The following FTO variants were observed in gnomAD, a reference collection of about 807,000 sequenced individuals.
FTO encodes the protein alpha-ketoglutarate-dependent dioxygenase FTO.
A neutral mutation model predicts 63.9 loss-of-function variants in FTO; 47 were observed. The ratio of observed to expected loss-of-function variants is 0.74; its 90% CI spans 0.58 to 0.94. FTO has a LOEUF of 0.94. Ranked by LOEUF, FTO falls within the 40% of genes least tolerant of loss-of-function variation. The pLI is 0.00. For missense variants in FTO, 562 were observed against 618.1 expected (o/e 0.91, Z 0.96); for synonymous variants, 207 against 224.4 (o/e 0.92, Z 0.69).
intron 8 of FTO, among the ~76,000 whole-genome samples, chr16:54,058,823 T>C (rs2085503584): frequency 6.6e-6 from 1 of 152,224 alleles, no homozygotes; most frequent in Admixed American, 6.5e-5. Context: ...AAAAAATAAA[T>C]AAATAAATAA....
At chr16:54,021,239 G>A (rs748784532) in intron 8 of FTO, among the ~76,000 whole-genome samples, 10 of 152,090 alleles carry the variant, frequency 6.6e-5, no homozygotes, top group Admixed American at 1.3e-4. Context: ...TTGGAGAAGA[G>A]CTTAAAACAA....
At chr16:53,799,741 C>G (rs1266904058) in intron 1 of FTO, among the ~76,000 whole-genome samples, 1 of 152,190 alleles carries the variant, frequency 6.6e-6, no homozygotes, top group Non-Finnish European at 1.5e-5. Context: ...GGCAGCGTTC[C>G]TGGTACATGC....
At chr16:54,076,295 T>TA (rs2085991400) in intron 8 of FTO, among the ~76,000 whole-genome samples, 1 of 152,232 alleles carries the variant, frequency 6.6e-6, no homozygotes, top group African/African-American at 2.4e-5. Flanking sequence ...GCCAGAGCTT[T>TA]ATGCCAGCAG....
intron 1 of FTO, among the ~76,000 whole-genome samples, chr16:53,725,092 A>G (rs977273352): frequency 2.6e-5 from 4 of 152,190 alleles, no homozygotes; most frequent in African/African-American, 7.2e-5. Flanking sequence ...TATGAGTACC[A>G]TTAGTACTTT....
At chr16:53,749,693 C>T (rs11859472) in intron 1 of FTO, among the ~76,000 whole-genome samples, 6,518 of 152,220 alleles carry the variant, frequency 0.043, 454 homozygotes, top group African/African-American at 0.15. Context: ...CCCGCCTCGG[C>T]CTCCCAAAGT....
intron 2 of FTO, among the ~76,000 whole-genome samples, chr16:53,812,541 TTG>T (rs1259595824): frequency 1.3e-5 from 2 of 152,182 alleles, no homozygotes; most frequent in African/African-American, 4.8e-5. Flanking sequence ...TAATGAATTT[TTG>T]TGTGTGCTGG....
At chr16:53,951,814 GT>G (rs550613088) in intron 8 of FTO, among the ~76,000 whole-genome samples, 47 of 144,872 alleles carry the variant, frequency 3.2e-4, no homozygotes, top group South Asian at 6.6e-4. Context: ...AATCAATCTT[GT>G]TTTTTTTTTT....
intron 8 of FTO, among the ~76,000 whole-genome samples, chr16:54,068,848 A>T (rs1001624627): frequency 6.6e-6 from 1 of 152,012 alleles, no homozygotes; most frequent in African/African-American, 2.4e-5. Flanking sequence ...AATAATATTG[A>T]GATGCGGTAA....
rs115323766 is a variant in FTO at position 53,964,259 on chromosome 16, C to T, written c.1364+30150C>T. Reference sequence around the variant, plus strand: ...CAGTTTCTGTGACAACTGTTCTCCTCTGTTGTTGTAGTTCAAAAACAGCCC... The same window carrying T: ...CAGTTTCTGTGACAACTGTTCTCCTTTGTTGTTGTAGTTCAAAAACAGCCC... On this transcript the variant is annotated intron_variant, in intron 8 of 8. Transcript: ENST00000471389. 1.8e-3 allele frequency among the ~76,000 whole-genome samples: 278 copies of T among 152,268 alleles called. 1 individual carries two copies. Among genetic ancestry groups the T allele is most frequent in the African/African-American group, 6.5e-3 (268 of 41,538 alleles).
intron 7 of FTO, among the ~76,000 whole-genome samples, chr16:53,900,524 A>G (rs1265216861): frequency 2.6e-5 from 4 of 151,818 alleles, no homozygotes; most frequent in African/African-American, 9.7e-5. Context: ...ACATTGGATA[A>G]TAATTATATT....
At chr16:53,709,481 G>A (rs745647093) in intron 1 of FTO, among the ~76,000 whole-genome samples, 1 of 152,176 alleles carries the variant, frequency 6.6e-6, no homozygotes, top group African/African-American at 2.4e-5. Context: ...GTTAAGAATA[G>A]CTGCTTCTGT....
At chr16:54,006,763 G>A (rs1340966681) in intron 8 of FTO, among the ~76,000 whole-genome samples, 3 of 152,220 alleles carry the variant, frequency 2.0e-5, no homozygotes, top group Non-Finnish European at 4.4e-5. Context: ...CGCTGTTTGG[G>A]TAAACCCACA....
chr16:54,050,943 A>G (rs1834894785), intron 8 of FTO, among the ~76,000 whole-genome samples: 1 of 152,214 alleles, frequency 6.6e-6, no homozygotes, highest in Non-Finnish European at 1.5e-5. Flanking sequence ...GTATGAAAAC[A>G]TTCTATGTGA....
intron 2 of FTO, among the ~76,000 whole-genome samples, chr16:53,823,478 G>GTGTA (rs2078921084): frequency 6.6e-6 from 1 of 151,640 alleles, no homozygotes; most frequent in Admixed American, 6.6e-5. Context: ...AGCTCCAGAT[G>GTGTA]TGTACATCCA....
intron 1 of FTO, among the ~76,000 whole-genome samples, chr16:53,804,930 A>C (rs371249724): frequency 3.3e-5 from 5 of 151,882 alleles, no homozygotes; most frequent in African/African-American, 1.2e-4. Context: ...TGATCTTTCT[A>C]GTGTTAGTTT....
intron 8 of FTO, among the ~76,000 whole-genome samples, chr16:53,988,577 C>T (rs1176637096): frequency 1.3e-5 from 2 of 152,290 alleles, no homozygotes; most frequent in East Asian, 1.9e-4. Flanking sequence ...ATTTATTGAG[C>T]ACCTACTATG....
chr16:53,945,111 G>C (rs777681780), intron 8 of FTO, among the ~76,000 whole-genome samples: 1 of 152,162 alleles, frequency 6.6e-6, no homozygotes, highest in Non-Finnish European at 1.5e-5. Flanking sequence ...AGAAAGAAGC[G>C]ACTTGATCTC....
intron 4 of FTO, among the ~76,000 whole-genome samples, chr16:53,856,343 C>T (rs1406991282): frequency 1.3e-5 from 2 of 149,524 alleles, no homozygotes; most frequent in Non-Finnish European, 1.5e-5. Context: ...GTAATCTAAG[C>T]CCAATAAACA....
intron 4 of FTO, among the ~76,000 whole-genome samples, chr16:53,866,682 A>G (rs1403414860): frequency 6.6e-6 from 1 of 152,088 alleles, no homozygotes; most frequent in Non-Finnish European, 1.5e-5. Flanking sequence ...TTTTAAAATT[A>G]TCCTTTTAAT....
Sources: allele counts gnomAD v4.1 joint callset (sites outside exome capture counted in the v4.1 genomes callset), GRCh38; gene constraint gnomAD v4.1.1; transcripts MANE v1.5; gene names NCBI Gene and HGNC (gene_info 2026-07-23, HGNC 2026-07-21).